LRRC37A2: variants seen among roughly 807,000 people sequenced by gnomAD.
The protein encoded by LRRC37A2 is leucine rich repeat containing 37 member A2.
A neutral mutation model predicts 68.8 loss-of-function variants in LRRC37A2; 9 were observed. The ratio of observed to expected loss-of-function variants is 0.13; its 90% CI spans 0.08 to 0.23. The LOEUF (loss-of-function observed/expected upper bound fraction) is 0.23. Among genes scored for constraint, LRRC37A2 ranks in the 10% least tolerant of loss-of-function variants. LRRC37A2 has a pLI of 1.00. For missense variants in LRRC37A2, 168 were observed against 950.4 expected, an observed-to-expected ratio of 0.18 and a Z score of 10.82; for synonymous variants, 63 against 367.6, an observed-to-expected ratio of 0.17 and a Z score of 9.48.
the LRRC37A2 span, chr17:46,769,999 G>A: frequency 1.1e-5 from 18 of 1,597,790 alleles, no homozygotes; most frequent in Non-Finnish European, 1.4e-5. Context: ...TGACGGCGAA[G>A]GCCACGCCGG....
At chr17:46,421,222 C>T in the LRRC37A2 span, among the ~76,000 whole-genome samples, 1 of 40,652 alleles carries the variant, frequency 2.5e-5, no homozygotes, top group East Asian at 3.3e-4. Context: ...TGAGCCATCA[C>T]GCCTGGCCAA....
the LRRC37A2 span, among the ~76,000 whole-genome samples, chr17:46,916,365 C>T: frequency 6.6e-6 from 1 of 152,192 alleles, no homozygotes; most frequent in African/African-American, 2.4e-5. Flanking sequence ...TATCCACTCC[C>T]TCCCCTGACA....
intron 8 of LRRC37A2, among the ~76,000 whole-genome samples, chr17:46,543,914 C>T (rs1260430957): frequency 9.5e-5 from 14 of 147,488 alleles, no homozygotes; most frequent in African/African-American, 3.2e-4. Context: ...CCCAGGAGTT[C>T]GAGACCAGCC....
At chr17:46,840,243 C>T in the LRRC37A2 span, among the ~76,000 whole-genome samples, 6 of 151,986 alleles carry the variant, frequency 3.9e-5, no homozygotes, top group Middle Eastern at 3.4e-3. Flanking sequence ...CCCGACACCA[C>T]GCCCGGCTAA....
At chr17:47,026,458 G>A in the LRRC37A2 span, among the ~76,000 whole-genome samples, 4 of 152,196 alleles carry the variant, frequency 2.6e-5, no homozygotes, top group South Asian at 2.1e-4. Context: ...CTCCACCCTC[G>A]TAGTTACTGA....
chr17:46,745,022 A>G, the LRRC37A2 span, among the ~76,000 whole-genome samples: 1 of 143,278 alleles, frequency 7.0e-6, no homozygotes, highest in Non-Finnish European at 1.5e-5. Context: ...CTTTTTTCCC[A>G]AATAGGTTAT....
the LRRC37A2 span, chr17:46,876,169 G>C: frequency 7.3e-7 from 1 of 1,372,400 alleles, no homozygotes; most frequent in Non-Finnish European, 9.9e-7. Flanking sequence ...GCCCTGCTGG[G>C]GTTGGTGCTC....
intron 2 of LRRC37A2, chr17:46,516,726 ATTTTG>A: frequency 6.1e-6 from 1 of 164,292 alleles, no homozygotes; most frequent in African/African-American, 2.6e-5. Flanking sequence ...AGATTATTTT[ATTTTG>A]TTTTTTGCAT....
At chr17:47,001,705 TTC>T in the LRRC37A2 span, among the ~76,000 whole-genome samples, 17 of 149,198 alleles carry the variant, frequency 1.1e-4, no homozygotes, top group Non-Finnish European at 2.5e-4. Flanking sequence ...TTTCTTTCTC[TTC>T]TCTTTTTTCC....
At chr17:46,951,057 T>G in the LRRC37A2 span, among the ~76,000 whole-genome samples, 1 of 152,170 alleles carries the variant, frequency 6.6e-6, no homozygotes, top group Non-Finnish European at 1.5e-5. Context: ...ACCATGTTCA[T>G]GCCAGGCACA....
At chr17:46,818,435 C>A in the LRRC37A2 span, 1 of 1,383,914 alleles carries the variant, frequency 7.2e-7, no homozygotes, top group Non-Finnish European at 1.0e-6. Flanking sequence ...AGCCCTGCAG[C>A]GGCCCACCCC....
the LRRC37A2 span, among the ~76,000 whole-genome samples, chr17:47,027,907 G>T: frequency 6.6e-6 from 1 of 152,218 alleles, no homozygotes; most frequent in African/African-American, 2.4e-5. Context: ...CTGTGAGTGT[G>T]CTCCTGGCAT....
At chr17:46,923,163 G>C in the LRRC37A2 span, 560,909 of 1,448,982 alleles carry the variant, frequency 0.39, 110,254 homozygotes, top group East Asian at 0.47. Context: ...GGAAGCCAGA[G>C]CCGGAGCCGT....
At chr17:46,958,733 C>G in the LRRC37A2 span, among the ~76,000 whole-genome samples, 6 of 152,306 alleles carry the variant, frequency 3.9e-5, no homozygotes, top group Non-Finnish European at 7.3e-5. Flanking sequence ...GAGATGGAGC[C>G]AACTTCCGGC....
chr17:46,896,426 G>T, the LRRC37A2 span, among the ~76,000 whole-genome samples: 1 of 88,168 alleles, frequency 1.1e-5, no homozygotes, highest in Admixed American at 1.2e-4. Flanking sequence ...AAGAAAGAAA[G>T]AAAGAAAGAA....
At chr17:46,755,919 T>G in the LRRC37A2 span, 1 of 1,233,192 alleles carries the variant, frequency 8.1e-7, no homozygotes, top group Non-Finnish European at 1.2e-6. Flanking sequence ...CTGGACTAAG[T>G]GGAACGTTCT....
chr17:46,842,603 G>A, the LRRC37A2 span, among the ~76,000 whole-genome samples: 1 of 152,086 alleles, frequency 6.6e-6, no homozygotes, highest in Non-Finnish European at 1.5e-5. Flanking sequence ...GAACTCCTGG[G>A]CTCAAGTGAT....
the LRRC37A2 span, among the ~76,000 whole-genome samples, chr17:46,493,945 G>C: frequency 6.6e-6 from 1 of 151,092 alleles, no homozygotes; most frequent in Admixed American, 6.6e-5. Flanking sequence ...GGTTCAAGGT[G>C]ATCCTCCCAC....
chr17:46,855,972 T>A, the LRRC37A2 span, among the ~76,000 whole-genome samples: 33,124 of 152,166 alleles, frequency 0.22, 4,380 homozygotes, highest in East Asian at 0.51. Context: ...TATAGGTGTG[T>A]GCCACCATGC....
Sources: gnomAD v4.1 joint callset for allele counts (sites outside exome capture counted in the v4.1 genomes callset) on GRCh38, gnomAD v4.1.1 for gene constraint, MANE v1.5 for transcripts, NCBI Gene and HGNC (gene_info 2026-07-23, HGNC 2026-07-21) for gene names.